The following RYR2 variants were observed in gnomAD, a reference collection of about 807,000 sequenced individuals.
RYR2 encodes the protein ryanodine receptor 2.
In RYR2, 227 loss-of-function variants were observed where a neutral mutation model predicts 601.1. The observed-to-expected ratio is 0.38, with a 90% CI of 0.34 to 0.42. RYR2 has a LOEUF of 0.42. Among genes scored for constraint, RYR2 ranks in the 10% least tolerant of loss-of-function variants. RYR2 has a pLI of 1.00. For synonymous variants in RYR2, 2,223 were observed against 2,175.1 expected (o/e 1.02, Z -0.61); for missense variants, 4,646 against 6,156.5 (o/e 0.75, Z 8.21).
At chr1:237,709,318 G>C (rs1688632437) in intron 69 of RYR2, among the ~76,000 whole-genome samples, 162 bp from the exon 70 acceptor site, 1 of 151,982 alleles carries the variant, frequency 6.6e-6, no homozygotes, top group South Asian at 2.1e-4. Context: ...TTAACAGTTT[G>C]ACAGTTATGA....
intron 48 of RYR2, among the ~76,000 whole-genome samples, chr1:237,646,586 AATG>A (rs1368517357): frequency 6.6e-5 from 10 of 152,206 alleles, no homozygotes; most frequent in African/African-American, 2.2e-4. Context: ...GTCTCTAAAG[AATG>A]ATATTTTCCC....
At chr1:237,369,660 G>A (rs368166745) in intron 6 of RYR2, 52 bp downstream of exon 6, 55 of 1,442,248 alleles carry the variant, frequency 3.8e-5, no homozygotes, top group Non-Finnish European at 5.1e-5. Context: ...TCCATTTGGG[G>A]GTACATGGTC....
At chr1:237,770,077 G>A (rs761711999) in intron 84 of RYR2, among the ~76,000 whole-genome samples, 12 of 152,078 alleles carry the variant, frequency 7.9e-5, no homozygotes, top group South Asian at 4.2e-4. Context: ...ACTAGGGGAC[G>A]CCTTTCTTTT....
At chr1:237,203,392 G>A (rs1681416689) in intron 1 of RYR2, among the ~76,000 whole-genome samples, 1 of 152,174 alleles carries the variant, frequency 6.6e-6, no homozygotes. Context: ...TGTTGGCTAA[G>A]TAGAGGAAAT....
At chr1:237,100,704 G>A (rs1667992808) in intron 1 of RYR2, among the ~76,000 whole-genome samples, 1 of 152,050 alleles carries the variant, frequency 6.6e-6, no homozygotes, top group South Asian at 2.1e-4. Flanking sequence ...GGATTTAAAG[G>A]GGCAGTTGCT....
intron 1 of RYR2, among the ~76,000 whole-genome samples, chr1:237,120,609 C>G (rs1439740807): frequency 4.6e-5 from 7 of 152,310 alleles, no homozygotes; most frequent in East Asian, 1.9e-4. Context: ...TTAAGTTCCT[C>G]AAGCCTCTCT....
intron 1 of RYR2, among the ~76,000 whole-genome samples, chr1:237,159,177 G>C (rs557934815): frequency 6.6e-6 from 1 of 152,274 alleles, no homozygotes; most frequent in African/African-American, 2.4e-5. Context: ...TGTAATCCCA[G>C]CTACTCGGGA....
chr1:237,066,959 T>C (rs1310467963), intron 1 of RYR2, among the ~76,000 whole-genome samples: 1 of 152,180 alleles, frequency 6.6e-6, no homozygotes, highest in Non-Finnish European at 1.5e-5. Flanking sequence ...AAAAGTCGAA[T>C]GTCTTTTCAT....
At chr1:237,289,774 A>C (rs965303803) in intron 2 of RYR2, among the ~76,000 whole-genome samples, 1 of 152,246 alleles carries the variant, frequency 6.6e-6, no homozygotes, top group Non-Finnish European at 1.5e-5. Context: ...AAAAATTCAG[A>C]TACTTTACAG....
intron 2 of RYR2, among the ~76,000 whole-genome samples, chr1:237,302,344 C>T (rs1032884719): frequency 2.6e-5 from 4 of 152,048 alleles, no homozygotes; most frequent in Non-Finnish European, 5.9e-5. Context: ...CATACGAGTG[C>T]GACTCACAAT....
At chr1:237,712,081 G>GGAAACAGGAGGCATGGCCCCT (rs1688887652) in intron 71 of RYR2, among the ~76,000 whole-genome samples, 1 of 152,206 alleles carries the variant, frequency 6.6e-6, no homozygotes, top group African/African-American at 2.4e-5. Context: ...ACAGATCCCT[G>GGAAACAGGAGGCATGGCCCCT]GAAACAGGAG....
In RYR2 at chr1:237,580,155, C is replaced by CTTTTTT. The variant is rs58145628; in HGVS notation, c.3599-9626_3599-9621dup. 1.4e-3 allele frequency among the ~76,000 whole-genome samples: 161 copies of CTTTTTT among 116,612 alleles called. 3 individuals are homozygous for CTTTTTT. Among genetic ancestry groups the CTTTTTT allele is most frequent in the African/African-American group, 3.3e-3 (101 of 30,262 alleles). The allele number at this position is 116,612 out of a possible 152,430, so 76.5% of individuals were successfully genotyped here. A position where few individuals can be genotyped will look rare whatever the true frequency, so the allele number is the denominator to read the frequency against. ...AGAGCCACGTGAAATCACAACAATT[C>CTTTTTT]TTTTTTTTTTTTTTTTTGAGACGGA... On this transcript the variant is annotated intron_variant, in intron 29 of 104. Transcript: ENST00000366574.
chr1:237,175,843 T>C (rs904980374), intron 1 of RYR2, among the ~76,000 whole-genome samples: 1 of 152,228 alleles, frequency 6.6e-6, no homozygotes, highest in African/African-American at 2.4e-5. Flanking sequence ...CAGTTGCAAT[T>C]TGTAAAGCCT....
chr1:237,567,034 A>T (rs1046041478), intron 28 of RYR2, among the ~76,000 whole-genome samples: 4 of 152,206 alleles, frequency 2.6e-5, no homozygotes, highest in Non-Finnish European at 5.9e-5. Flanking sequence ...AATGTTAAAG[A>T]TACATATGTA....
chr1:237,656,371 G>A (rs973477122), intron 53 of RYR2, among the ~76,000 whole-genome samples: 7 of 152,228 alleles, frequency 4.6e-5, no homozygotes, highest in African/African-American at 7.2e-5. Flanking sequence ...CTGTTTCTGC[G>A]AGTAGCAAGG....
At chr1:237,099,823 A>G (rs1043598519) in intron 1 of RYR2, among the ~76,000 whole-genome samples, 1 of 141,688 alleles carries the variant, frequency 7.1e-6, no homozygotes, top group Non-Finnish European at 1.6e-5. Context: ...TCTTTCCCCA[A>G]ATATTATGAG....
At chr1:237,666,780 C>A (rs995877507) in intron 57 of RYR2, among the ~76,000 whole-genome samples, 191 bp downstream of exon 57, 1 of 151,878 alleles carries the variant, frequency 6.6e-6, no homozygotes, top group Non-Finnish European at 1.5e-5. Context: ...TGTGGTGGCA[C>A]GTGCCTATAG....
In RYR2 at chr1:237,783,871, G is replaced by A. The variant is rs41267517; in HGVS notation, c.12159G>A (p.Glu4053=). 3,491 of 1,613,840 alleles carry A rather than the reference G, an allele frequency of 2.2e-3. 8 individuals carry two copies. Among genetic ancestry groups the A allele is most frequent in the Non-Finnish European group, 2.8e-3 (3,296 of 1,179,834 alleles). ...AGAGGGACTTCCACAAAGCGATGGAGAGCCATAAGCACTACACGCAGTCAG... is the reference window on the plus strand; with the variant it reads ...AGAGGGACTTCCACAAAGCGATGGAAAGCCATAAGCACTACACGCAGTCAG... ...ISKRDFHKAM[E]SHKHYTQSET... is the part of the protein sequence containing the mutation. Residue 4053 remains glutamate (E), a synonymous_variant, in exon 90 of 105, where the codon GAG becomes GAA. Coordinates refer to ENST00000366574, the MANE Select transcript of RYR2 (RefSeq NM_001035.3).
At chr1:237,208,758 C>T (rs1682100622) in intron 1 of RYR2, among the ~76,000 whole-genome samples, 1 of 151,430 alleles carries the variant, frequency 6.6e-6, no homozygotes, top group South Asian at 2.1e-4. Context: ...TTTCAAGTGT[C>T]CAATACAGTG....
Sources: allele counts gnomAD v4.1 joint callset (sites outside exome capture counted in the v4.1 genomes callset), GRCh38; gene constraint gnomAD v4.1.1; transcripts MANE v1.5; gene names NCBI Gene and HGNC (gene_info 2026-07-23, HGNC 2026-07-21).